The following RFWD3 variants were observed in gnomAD, a reference collection of about 807,000 sequenced individuals.
The protein encoded by RFWD3 is E3 ubiquitin-protein ligase RFWD3.
Under a neutral mutation model 87.7 loss-of-function variants are expected in RFWD3, and 65 were observed. The ratio of observed to expected loss-of-function variants is 0.74; its 90% CI spans 0.61 to 0.91. The LOEUF (loss-of-function observed/expected upper bound fraction) is 0.91. RFWD3 is among the 40% of genes least tolerant of loss of function. The pLI is 0.00. For missense variants in RFWD3, 1,078 were observed against 938.5 expected, an observed-to-expected ratio of 1.15 and a Z score of -1.94; for synonymous variants, 433 against 352.8, an observed-to-expected ratio of 1.23 and a Z score of -2.55.
rs1304206436 is a variant in RFWD3 at position 74,631,732 on chromosome 16, A to C, written c.1578-775T>G. Among the ~76,000 whole-genome samples, 3 of 152,134 alleles carry C rather than the reference A, an allele frequency of 2.0e-5. No homozygotes were observed. The East Asian group carries it at 5.8e-4, about 29-fold the overall frequency. ...TAACAGACCAGGACCAGGAGTAAAC[A>C]GTACCAACCTGGTATGGCGACTCTG... On this transcript the variant is annotated intron_variant, in intron 9 of 12. Coordinates refer to ENST00000361070, the MANE Select transcript of RFWD3 (RefSeq NM_018124.4).
intron 2 of RFWD3, 32 bp from the exon 3 acceptor site, chr16:74,652,154 T>C (rs774708392): frequency 6.4e-7 from 1 of 1,573,110 alleles, no homozygotes; most frequent in Non-Finnish European, 8.7e-7. Flanking sequence ...GGAATTATAG[T>C]ACAATGAACT....
intron 6 of RFWD3, among the ~76,000 whole-genome samples, chr16:74,643,508 A>C (rs1427133770): frequency 6.6e-6 from 1 of 152,126 alleles, no homozygotes; most frequent in Non-Finnish European, 1.5e-5. Flanking sequence ...TTACTAGATC[A>C]AAGGCTTTAG....
intron 2 of RFWD3, among the ~76,000 whole-genome samples, chr16:74,654,346 T>G (rs1281243002): frequency 6.6e-6 from 1 of 152,238 alleles, no homozygotes; most frequent in Non-Finnish European, 1.5e-5. Flanking sequence ...TCTTTCTGTC[T>G]GCCTGTGTTG....
At chr16:74,635,509 C>T (rs1024790950) in intron 8 of RFWD3, among the ~76,000 whole-genome samples, 9 of 151,518 alleles carry the variant, frequency 5.9e-5, no homozygotes, top group African/African-American at 1.9e-4. Flanking sequence ...AAATACACAC[C>T]GAGTTAATCA....
In RFWD3 at chr16:74,626,348, C is replaced by T; in HGVS notation, c.2176G>A (p.Ala726Thr). ...VCTGDEAANS[A>T]LLWDAASGSL... ...TAAAAAAGTAACAGGCTCACCAGGGCAGAATTTGCTGCTTCATCCCCAGTA... is the reference window on the plus strand; with the variant it reads ...TAAAAAAGTAACAGGCTCACCAGGGTAGAATTTGCTGCTTCATCCCCAGTA... Residue 726 changes from alanine to threonine, a missense_variant, in exon 12 of 13, where the codon GCC (alanine) becomes ACC (threonine). Transcript: ENST00000361070. The T allele has an allele frequency of 6.2e-7, 1 of 1,613,748 alleles. No homozygotes were observed. Among genetic ancestry groups the T allele is most frequent in the Non-Finnish European group, 8.5e-7 (1 of 1,179,646 alleles).
chr16:74,658,217 T>C (rs1356616294), intron 2 of RFWD3, among the ~76,000 whole-genome samples: 2 of 152,198 alleles, frequency 1.3e-5, no homozygotes, highest in Non-Finnish European at 2.9e-5. Flanking sequence ...GAAAACAATA[T>C]TGTGATCTGT....
chr16:74,656,561 G>T (rs1961006009), intron 2 of RFWD3, among the ~76,000 whole-genome samples: 1 of 151,880 alleles, frequency 6.6e-6, no homozygotes, highest in African/African-American at 2.4e-5. Context: ...TGGCTCATTG[G>T]AACCTTTCAC....
At chr16:74,666,152 A>G (rs1961877791) in intron 1 of RFWD3, among the ~76,000 whole-genome samples, 3 of 151,484 alleles carry the variant, frequency 2.0e-5, no homozygotes. Context: ...ACATGGGGAA[A>G]GAAAGACATA....
chr16:74,625,631 C>T (rs1353902036), intron 12 of RFWD3, among the ~76,000 whole-genome samples: 1 of 151,974 alleles, frequency 6.6e-6, no homozygotes, highest in African/African-American at 2.4e-5. Flanking sequence ...ACGCCCACAA[C>T]CCGGACTTGT....
In RFWD3 at chr16:74,630,907, C is replaced by T; in HGVS notation, c.1628G>A (p.Trp543Ter). The change falls in exon 10 of 13, where the codon TGG becomes TAG. Residue 543 changes from tryptophan to a stop codon, truncating the protein, a stop_gained. Coordinates refer to ENST00000361070, the MANE Select transcript of RFWD3 (RefSeq NM_018124.4). LOFTEE classifies it high-confidence loss of function. Reference sequence around the variant, plus strand: ...CTCATCAAGACACCAGCAACAGCTCCAGACAGGACGTCCAGCATTATAAGT... The same window carrying T: ...CTCATCAAGACACCAGCAACAGCTCTAGACAGGACGTCCAGCATTATAAGT... ...VQTYNAGRPVWSCCWCLDEAN... is the reference protein window; with the variant it reads ...VQTYNAGRPV 3.1e-6 allele frequency: 5 copies of T among 1,614,082 alleles called. No individual in the cohort carries two copies. The highest frequency in any genetic ancestry group is 4.2e-6 in the Non-Finnish European group (5 of 1,179,956).
intron 12 of RFWD3, among the ~76,000 whole-genome samples, chr16:74,625,405 T>C (rs1327091290): frequency 6.6e-6 from 1 of 151,314 alleles, no homozygotes; most frequent in East Asian, 2.0e-4. Context: ...ACCCAGCTAC[T>C]TGGGAAGCTG....
chr16:74,633,758 T>G (rs1959169273), intron 8 of RFWD3, among the ~76,000 whole-genome samples: 1 of 152,096 alleles, frequency 6.6e-6, no homozygotes, highest in Non-Finnish European at 1.5e-5. Context: ...GAGACCAGCC[T>G]GGGCAATATG....
intron 2 of RFWD3, among the ~76,000 whole-genome samples, chr16:74,654,193 G>C (rs1310040611): frequency 1.3e-5 from 2 of 151,856 alleles, no homozygotes; most frequent in African/African-American, 4.8e-5. Flanking sequence ...TTAGTATTTT[G>C]AGTCTTCTCT....
At chr16:74,636,221 T>C (rs949056269) in intron 8 of RFWD3, 125 bp downstream of exon 8, 3 of 807,312 alleles carry the variant, frequency 3.7e-6, no homozygotes, top group African/African-American at 3.4e-5. Context: ...GGTACTTGCA[T>C]TAACAAGGAA....
chr16:74,648,320 T>C (rs921485599), intron 4 of RFWD3, among the ~76,000 whole-genome samples: 3 of 151,296 alleles, frequency 2.0e-5, no homozygotes, highest in Non-Finnish European at 4.4e-5. Flanking sequence ...CATTTTAACC[T>C]GCAGCCCCAC....
chr16:74,625,515 A>AC (rs1209445672), intron 12 of RFWD3, among the ~76,000 whole-genome samples: 341 of 28,328 alleles, frequency 0.012, 2 homozygotes, highest in Non-Finnish European at 0.017. Flanking sequence ...CCGTCTCAAG[A>AC]AAAAAAAAAA....
intron 7 of RFWD3, among the ~76,000 whole-genome samples, chr16:74,637,183 T>G (rs866575363): frequency 6.8e-6 from 1 of 147,920 alleles, no homozygotes; most frequent in African/African-American, 2.5e-5. Context: ...CTGTCATCCA[T>G]GGCATCCAGG....
chr16:74,649,572 T>A (rs1960417312), intron 3 of RFWD3, among the ~76,000 whole-genome samples: 1 of 152,172 alleles, frequency 6.6e-6, no homozygotes, highest in South Asian at 2.1e-4. Flanking sequence ...TGCAAAAACT[T>A]CTGCAACACT....
intron 2 of RFWD3, among the ~76,000 whole-genome samples, chr16:74,653,865 T>C (rs1665252083): frequency 6.6e-6 from 1 of 152,218 alleles, no homozygotes; most frequent in African/African-American, 2.4e-5. Flanking sequence ...AAATAAACAC[T>C]ACTCAGTGTC....
Sources: gnomAD v4.1 joint callset for allele counts (sites outside exome capture counted in the v4.1 genomes callset) on GRCh38, gnomAD v4.1.1 for gene constraint, MANE v1.5 for transcripts, NCBI Gene and HGNC (gene_info 2026-07-23, HGNC 2026-07-21) for gene names.